The following ARID1B variants were observed in gnomAD, a reference collection of about 807,000 sequenced individuals.
ARID1B encodes AT-rich interaction domain 1B.
ARID1B carries 30 observed loss-of-function variants against 212.3 expected under a neutral mutation model. The observed-to-expected ratio is 0.14, with a 90% CI of 0.11 to 0.19. The LOEUF (loss-of-function observed/expected upper bound fraction) is 0.19, where lower values mean the gene tolerates loss of function less well. Among genes scored for constraint, ARID1B ranks in the 10% least tolerant of loss-of-function variants. The pLI is 1.00. For missense variants in ARID1B, 2,891 were observed against 3,204.0 expected, an observed-to-expected ratio of 0.90 and a Z score of 2.36; for synonymous variants, 1,402 against 1,301.7, an observed-to-expected ratio of 1.08 and a Z score of -1.66.
intron 4 of ARID1B, among the ~76,000 whole-genome samples, chr6:156,982,425 C>CTTT (rs778116375): frequency 8.0e-6 from 1 of 124,766 alleles, no homozygotes; most frequent in Non-Finnish European, 1.7e-5. Flanking sequence ...CTCTATGGGT[C>CTTT]TTTTTTTTTT....
chr6:157,016,129 T>G (rs1175966681), intron 4 of ARID1B, among the ~76,000 whole-genome samples: 2 of 152,246 alleles, frequency 1.3e-5, no homozygotes, highest in Non-Finnish European at 2.9e-5. Context: ...GGCTGCTATT[T>G]TTGCATTATT....
At chr6:156,853,568 G>C (rs1784720147) in intron 2 of ARID1B, among the ~76,000 whole-genome samples, 1 of 151,960 alleles carries the variant, frequency 6.6e-6, no homozygotes, top group African/African-American at 2.4e-5. Flanking sequence ...GTCTGACTCT[G>C]ATTCCTCCAT....
intron 1 of ARID1B, among the ~76,000 whole-genome samples, chr6:156,799,143 T>A (rs77970377): frequency 4.7e-4 from 70 of 148,916 alleles, no homozygotes; most frequent in African/African-American, 1.7e-3. Flanking sequence ...AAATCAATTG[T>A]TTTGCTGTTG....
At chr6:157,006,436 T>C (rs1015249158) in intron 4 of ARID1B, among the ~76,000 whole-genome samples, 1 of 152,220 alleles carries the variant, frequency 6.6e-6, no homozygotes, top group African/African-American at 2.4e-5. Context: ...TGAAATTATA[T>C]TGTTTTATAA....
intron 7 of ARID1B, among the ~76,000 whole-genome samples, chr6:157,147,688 C>A (rs1437372118): frequency 9.8e-5 from 11 of 112,130 alleles, no homozygotes; most frequent in East Asian, 2.8e-4. Context: ...TCCGACCCTG[C>A]CCTCCGTCCC....
At chr6:156,856,516 G>A (rs985898347) in intron 2 of ARID1B, among the ~76,000 whole-genome samples, 2 of 152,132 alleles carry the variant, frequency 1.3e-5, no homozygotes, top group Non-Finnish European at 2.9e-5. Context: ...TGGAGAAGCC[G>A]GGGTTGCATC....
rs1389564313 is a variant in ARID1B, at chr6:157,032,511, G to A, written c.2248-52151G>A. The stretch of plus-strand genomic sequence containing the variant: ...TTGAGGATATTGATATGTAATGGAA[G>A]ATTGTTTTCTGGGCGGGTCATTCTT... On this transcript the variant is annotated intron_variant, in intron 4 of 19. Coordinates refer to ENST00000636930, the MANE Select transcript of ARID1B (RefSeq NM_001374828.1). Among the ~76,000 whole-genome samples the A allele has an allele frequency of 3.3e-5, 5 of 152,198 alleles. No homozygotes were observed. In the East Asian group the frequency reaches 9.6e-4, roughly 29 times the overall value.
At chr6:156,854,575 A>G (rs1784786360) in intron 2 of ARID1B, among the ~76,000 whole-genome samples, 1 of 152,186 alleles carries the variant, frequency 6.6e-6, no homozygotes, top group Non-Finnish European at 1.5e-5. Context: ...TTCAAAATTG[A>G]CAAAATTGTC....
intron 3 of ARID1B, among the ~76,000 whole-genome samples, chr6:156,923,203 G>C (rs1790949314): frequency 6.6e-6 from 1 of 152,210 alleles, no homozygotes; most frequent in Non-Finnish European, 1.5e-5. Flanking sequence ...CCCTATTACA[G>C]ATGCTAGGTA....
intron 1 of ARID1B, among the ~76,000 whole-genome samples, chr6:156,788,094 C>G (rs1316843629): frequency 2.0e-5 from 3 of 152,100 alleles, no homozygotes; most frequent in Non-Finnish European, 4.4e-5. Flanking sequence ...TGACTCAGGA[C>G]AAGCCCTTGC....
chr6:156,784,183 C>T (rs892540972), intron 1 of ARID1B, among the ~76,000 whole-genome samples: 2 of 151,534 alleles, frequency 1.3e-5, no homozygotes, highest in African/African-American at 4.9e-5. Context: ...GGTGCCCTTT[C>T]CTGAATGGGA....
chr6:156,974,816 T>C (rs553253382), intron 4 of ARID1B, among the ~76,000 whole-genome samples: 7 of 152,360 alleles, frequency 4.6e-5, no homozygotes, highest in South Asian at 2.1e-4. Flanking sequence ...ATATGAACTT[T>C]ACAGCAGCAC....
At chr6:156,835,252 A>C (rs968611568) in intron 2 of ARID1B, among the ~76,000 whole-genome samples, 1 of 151,884 alleles carries the variant, frequency 6.6e-6, no homozygotes, top group Non-Finnish European at 1.5e-5. Flanking sequence ...AAAAAAAAAA[A>C]AAAAGAAAAT....
At chr6:156,859,042 T>C (rs1035168313) in intron 2 of ARID1B, among the ~76,000 whole-genome samples, 3 of 152,204 alleles carry the variant, frequency 2.0e-5, no homozygotes, top group Admixed American at 1.3e-4. Flanking sequence ...ATTTTTTAAA[T>C]GATTATGCTA....
At chr6:157,183,561 C>A (rs985653085) in intron 12 of ARID1B, among the ~76,000 whole-genome samples, 1 of 152,222 alleles carries the variant, frequency 6.6e-6, no homozygotes, top group African/African-American at 2.4e-5. Context: ...TGCCTCGGAT[C>A]TTGACGTCAC....
chr6:156,779,024 C>T lies in ARID1B; in HGVS notation c.1344C>T (p.Tyr448=), dbSNP rs1778957906. Residue 448 remains tyrosine, a synonymous_variant, in exon 1 of 20, where the codon TAC becomes TAT. Coordinates refer to ENST00000636930, the MANE Select transcript of ARID1B (RefSeq NM_001374828.1). ...GGGYGGSSAG[Y]GVLSSPRQQG... ...GCTATGGGGGCTCGTCCGCGGGGTA[C>T]GGGGTGCTGAGCTCCCCCCGGCAGC... The T allele has an allele frequency of 8.0e-7, 1 of 1,250,008 alleles. No homozygotes were observed. Among genetic ancestry groups the T allele is most frequent in the Non-Finnish European group, 9.9e-7 (1 of 1,006,478 alleles). The allele number at this position is 1,250,008 out of a possible 1,614,324, so 77.4% of individuals were successfully genotyped here.
intron 4 of ARID1B, among the ~76,000 whole-genome samples, chr6:156,990,414 A>G (rs6899319): frequency 0.21 from 32,108 of 151,900 alleles, 3,708 homozygotes; most frequent in East Asian, 0.32. Context: ...AGGCCAAGGC[A>G]GGCGGATCAC....
chr6:157,097,495 T>C (rs1201366199), intron 5 of ARID1B, among the ~76,000 whole-genome samples: 1 of 151,066 alleles, frequency 6.6e-6, no homozygotes, highest in African/African-American at 2.4e-5. Flanking sequence ...TCACGTGCTA[T>C]ATTCTCTTTT....
At chr6:156,794,730 A>G (rs895887188) in intron 1 of ARID1B, among the ~76,000 whole-genome samples, 12 of 149,038 alleles carry the variant, frequency 8.1e-5, no homozygotes, top group Admixed American at 7.4e-4. Flanking sequence ...GGCACGCACC[A>G]CCACACCTGG....
Sources: allele counts gnomAD v4.1 joint callset (sites outside exome capture counted in the v4.1 genomes callset), GRCh38; gene constraint gnomAD v4.1.1; transcripts MANE v1.5; gene names NCBI Gene and HGNC (gene_info 2026-07-23, HGNC 2026-07-21).